ABCC4: variants seen among roughly 807,000 people sequenced by gnomAD.
The protein encoded by ABCC4 is ATP binding cassette subfamily C member 4 (PEL blood group), also known as ATP-binding cassette sub-family C member 4.
A neutral mutation model predicts 168.5 loss-of-function variants in ABCC4; 102 were observed. The ratio of observed to expected loss-of-function variants is 0.61; its 90% CI spans 0.52 to 0.71. The LOEUF (loss-of-function observed/expected upper bound fraction) is 0.71. ABCC4 is among the 30% of genes least tolerant of loss of function. The pLI, the probability that ABCC4 is intolerant of heterozygous loss-of-function variation, is 0.00. For synonymous variants in ABCC4, 617 were observed against 590.7 expected (o/e 1.04, Z -0.65); for missense variants, 1,402 against 1,605.8 (o/e 0.87, Z 2.17).
At chr13:95,292,263 G>A (rs888096334) in intron 1 of ABCC4, among the ~76,000 whole-genome samples, 1 of 152,166 alleles carries the variant, frequency 6.6e-6, no homozygotes, top group Admixed American at 6.6e-5. Context: ...GGGGGCTGAG[G>A]TGGAAGGATG....
intron 1 of ABCC4, among the ~76,000 whole-genome samples, chr13:95,282,076 T>A (rs2041138673): frequency 6.7e-6 from 1 of 150,050 alleles, no homozygotes; most frequent in South Asian, 2.1e-4. Flanking sequence ...ACCACTGTAC[T>A]CCAGCCTGGA....
intron 4 of ABCC4, among the ~76,000 whole-genome samples, chr13:95,213,000 G>A (rs1231027887): frequency 2.0e-5 from 3 of 151,966 alleles, no homozygotes; most frequent in Non-Finnish European, 4.4e-5. Flanking sequence ...GATGGCAGGT[G>A]CCTGTAATCC....
chr13:95,127,569 T>C (rs2035824890), intron 19 of ABCC4, among the ~76,000 whole-genome samples: 1 of 152,184 alleles, frequency 6.6e-6, no homozygotes, highest in African/African-American at 2.4e-5. Flanking sequence ...TGAGCCACCG[T>C]GCCTGGCCTG....
chr13:95,134,185 G>A (rs935043317), intron 19 of ABCC4, among the ~76,000 whole-genome samples: 4 of 152,100 alleles, frequency 2.6e-5, no homozygotes, highest in East Asian at 1.9e-4. Flanking sequence ...ACTGAGAACC[G>A]AAGGCCAAAA....
intron 19 of ABCC4, among the ~76,000 whole-genome samples, chr13:95,130,664 A>G (rs1363600579): frequency 6.6e-6 from 1 of 152,152 alleles, no homozygotes; most frequent in Non-Finnish European, 1.5e-5. Context: ...TTGTAACCCA[A>G]TCGTCAAATC....
intron 8 of ABCC4, among the ~76,000 whole-genome samples, chr13:95,203,450 C>T (rs2038688841): frequency 6.6e-6 from 1 of 151,628 alleles, no homozygotes; most frequent in African/African-American, 2.4e-5. Flanking sequence ...AAGCCTGAGC[C>T]TCCTGAGGAG....
At chr13:95,031,550 A>G (rs1167085519) in intron 30 of ABCC4, among the ~76,000 whole-genome samples, 2 of 152,256 alleles carry the variant, frequency 1.3e-5, no homozygotes, top group East Asian at 3.8e-4. Flanking sequence ...CATACATGTA[A>G]GAACTATGTA....
chr13:95,150,173 G>A (rs2036627436), intron 19 of ABCC4, among the ~76,000 whole-genome samples: 1 of 151,960 alleles, frequency 6.6e-6, no homozygotes, highest in Non-Finnish European at 1.5e-5. Context: ...GCTATTGTCC[G>A]AGCTGCTTTC....
intron 9 of ABCC4, among the ~76,000 whole-genome samples, chr13:95,190,292 T>C (rs982373775): frequency 5.9e-5 from 9 of 152,150 alleles, no homozygotes; most frequent in South Asian, 2.1e-4. Context: ...TGAGCCAAGA[T>C]TGCACCACTG....
rs185663046 is a variant in ABCC4, at chr13:95,045,568, C to T, written c.3457-1130G>A. On this transcript the variant is annotated intron_variant, in intron 27 of 30. Transcript: ENST00000645237. ...CAATATAACATCTTGCCCCAGACGACGGGGATAGATGATGTTGATATTAAT... is the reference window on the plus strand; with the variant it reads ...CAATATAACATCTTGCCCCAGACGATGGGGATAGATGATGTTGATATTAAT... Among the ~76,000 whole-genome samples, 13 of 152,166 alleles carry T rather than the reference C, an allele frequency of 8.5e-5. 1 individual carries two copies. Among genetic ancestry groups the T allele is most frequent in the East Asian group, 3.9e-4 (2 of 5,184 alleles).
At chr13:95,044,141 T>A in intron 28 of ABCC4, 125 bp downstream of exon 28, 1 of 993,932 alleles carries the variant, frequency 1.0e-6, no homozygotes, top group Non-Finnish European at 1.4e-6. Context: ...AATGAATTTA[T>A]CCATGTTAAA....
At position 95,071,833 on chromosome 13, in the gene ABCC4, G is replaced by T; in HGVS notation, c.3039C>A (p.Val1013=). 1 of 1,581,806 alleles carries T rather than the reference G, an allele frequency of 6.3e-7. No individual in the cohort carries two copies. The highest frequency in any genetic ancestry group is 1.2e-5 in the South Asian group (1 of 83,716). Residue 1013 remains valine (V), a synonymous_variant, in exon 25 of 31, where the codon GTC becomes GTA. Coordinates refer to ENST00000645237, the MANE Select transcript of ABCC4 (RefSeq NM_005845.5). ...VENMMISVER[V]IEYTDLEKEA... ...CTTTTTCAAGGTCTGTGTATTCAAT[G>T]ACCCTTTCTACTGAGATCATCTGAA...
At position 95,233,620 on chromosome 13, in the gene ABCC4, A is replaced by T. The variant is rs184157594; in HGVS notation, c.531+990T>A. ...GCATCACACAATACACCCATGGAAAAAACTTGCACCTCTACCCCTGAATCT... is the reference window on the plus strand; with the variant it reads ...GCATCACACAATACACCCATGGAAATAACTTGCACCTCTACCCCTGAATCT... On this transcript the variant is annotated intron_variant, in intron 4 of 30. Coordinates refer to ENST00000645237, the MANE Select transcript of ABCC4 (RefSeq NM_005845.5). 4.0e-3 allele frequency among the ~76,000 whole-genome samples: 609 copies of T among 152,246 alleles called. 4 individuals are homozygous for T. The highest frequency in any genetic ancestry group is 0.013 in the African/African-American group (547 of 41,524).
intron 19 of ABCC4, among the ~76,000 whole-genome samples, chr13:95,119,444 G>C (rs1052899805): frequency 6.6e-6 from 1 of 152,186 alleles, no homozygotes; most frequent in East Asian, 1.9e-4. Flanking sequence ...GAGAGAGAGA[G>C]AGAGAGAAAC....
At position 95,177,764 on chromosome 13, in the gene ABCC4, A is replaced by G. The variant is rs765881473; in HGVS notation, c.1670T>C (p.Leu557Pro). 6.2e-7 allele frequency: 1 copy of G among 1,611,762 alleles called. No homozygotes were observed. The highest frequency in any genetic ancestry group is 8.5e-7 in the Non-Finnish European group (1 of 1,178,004). The change falls in exon 13 of 31, where the codon CTC (leucine) becomes CCC (proline). Residue 557 changes from leucine (L) to proline (P), a missense_variant. Leu to Pro is a moderately conservative substitution (Grantham distance 98). Coordinates refer to ENST00000645237, the MANE Select transcript of ABCC4 (RefSeq NM_005845.5). ...TACTGCACTGAGAGGATCGTCCAGG[A>G]GATAGATGTCAGCATCTTGATACAC... ...RAVYQDADIY[L>P]LDDPLSAVDA...
chr13:95,115,916 C>T lies in ABCC4; in HGVS notation c.2535+6G>A, dbSNP rs746617615. Reference sequence around the variant, plus strand: ...TTTGAGATCCTGACATTACTCTCAACGTTACCTGGATGAAATCTAAAAACG... The same window carrying T: ...TTTGAGATCCTGACATTACTCTCAATGTTACCTGGATGAAATCTAAAAACG... On this transcript the variant is annotated splice_donor_region_variant and intron_variant, in intron 20 of 30. Coordinates refer to ENST00000645237, the MANE Select transcript of ABCC4 (RefSeq NM_005845.5). The T allele has an allele frequency of 2.6e-5, 42 of 1,605,620 alleles. No homozygotes were observed. The highest frequency in any genetic ancestry group is 5.4e-5 in the African/African-American group (4 of 74,612).
chr13:95,025,263 CCCCA>C (rs1566351187), intron 30 of ABCC4, among the ~76,000 whole-genome samples: 11 of 58,794 alleles, frequency 1.9e-4, no homozygotes, highest in African/African-American at 9.1e-4. Flanking sequence ...ACACACACAC[CCCCA>C]CACCCCCACA....
chr13:95,166,047 A>T (rs2037259612), intron 15 of ABCC4, 111 bp downstream of exon 15: 6 of 1,056,658 alleles, frequency 5.7e-6, no homozygotes, highest in Non-Finnish European at 8.4e-6. Context: ...CTGAAACCAC[A>T]GAATCCACTT....
intron 29 of ABCC4, among the ~76,000 whole-genome samples, chr13:95,040,661 G>A (rs116419700): frequency 0.018 from 2,810 of 152,182 alleles, 75 homozygotes; most frequent in African/African-American, 0.062. Flanking sequence ...GGCCGTTGTC[G>A]GTTTCTTAAA....
Sources: allele counts gnomAD v4.1 joint callset (sites outside exome capture counted in the v4.1 genomes callset), GRCh38; gene constraint gnomAD v4.1.1; transcripts MANE v1.5; gene names NCBI Gene and HGNC (gene_info 2026-07-23, HGNC 2026-07-21).